The following ERMP1 variants were observed in gnomAD, a reference collection of about 807,000 sequenced individuals.
ERMP1 encodes the protein endoplasmic reticulum metallopeptidase 1, also known as Felix-ina.
A neutral mutation model predicts 92.0 loss-of-function variants in ERMP1; 86 were observed. The observed-to-expected ratio is 0.93, with a 90% CI of 0.79 to 1.12. The LOEUF (loss-of-function observed/expected upper bound fraction) is 1.12, where lower values mean the gene tolerates loss of function less well. Among genes scored for constraint, ERMP1 ranks in the 50% most tolerant of loss-of-function variants. The pLI is 0.00. For synonymous variants in ERMP1, 530 were observed against 412.8 expected, an observed-to-expected ratio of 1.28 and a Z score of -3.44; for missense variants, 1,342 against 1,116.3, an observed-to-expected ratio of 1.20 and a Z score of -2.88.
At chr9:5,791,419 A>C (rs1260135) in intron 13 of ERMP1, 1 of 419,252 alleles carries the variant, frequency 2.4e-6, no homozygotes, top group African/African-American at 2.1e-5. Context: ...ATGGAGGGCA[A>C]TCTGCTTTAC....
At chr9:5,829,212 C>G (rs1829844148) in intron 2 of ERMP1, among the ~76,000 whole-genome samples, 2 of 149,354 alleles carry the variant, frequency 1.3e-5, no homozygotes, top group Admixed American at 1.3e-4. Flanking sequence ...AGACTTGGCC[C>G]CCCAGCCAAA....
chr9:5,830,691 T>C, intron 2 of ERMP1, 36 bp downstream of exon 2: 1 of 1,542,642 alleles, frequency 6.5e-7, no homozygotes, highest in East Asian at 2.3e-5. Flanking sequence ...TTCTGGGCTG[T>C]GACAAGTTCC....
chr9:5,788,449 G>T (rs1302027085), intron 13 of ERMP1, among the ~76,000 whole-genome samples: 1 of 152,190 alleles, frequency 6.6e-6, no homozygotes, highest in African/African-American at 2.4e-5. Flanking sequence ...TTTGGCATTT[G>T]GGTGGTGAAG....
In ERMP1 at chr9:5,832,991, G is replaced by A. The variant is rs1240898321; in HGVS notation, c.37C>T (p.His13Tyr). 2 of 1,559,842 alleles carry A rather than the reference G, an allele frequency of 1.3e-6. No individual in the cohort carries two copies. Among genetic ancestry groups the A allele is most frequent in the South Asian group, 1.2e-5 (1 of 86,556 alleles). The change falls in exon 1 of 15, where the codon CAC (histidine) becomes TAC (tyrosine). Residue 13 changes from histidine (H) to tyrosine (Y), a missense_variant. Coordinates refer to ENST00000339450, the MANE Select transcript of ERMP1 (RefSeq NM_024896.3). ...WGSESAAVRR[H>Y]RVGVERREGA... is the part of the protein sequence containing the mutation. Reference sequence around the variant, plus strand: ...TCTCGACGCTCTACTCCGACGCGGTGCCGCCTCACAGCAGCCGACTCAGAA... The same window carrying A: ...TCTCGACGCTCTACTCCGACGCGGTACCGCCTCACAGCAGCCGACTCAGAA...
rs547565264 is a variant in ERMP1 at position 5,819,885 on chromosome 9, G to A, written c.874+4011C>T. Among the ~76,000 whole-genome samples the A allele has an allele frequency of 3.9e-5, 6 of 152,284 alleles. No individual in the cohort carries two copies. In the East Asian group the frequency reaches 1.2e-3, roughly 29 times the overall value. ...GGGATGGGGGAAAATGGGAGTGACT[G>A]CTAATGAGTTTCCTATTTGGGATGA... On this transcript the variant is annotated intron_variant, in intron 4 of 14. Coordinates refer to ENST00000339450, the MANE Select transcript of ERMP1 (RefSeq NM_024896.3).
chr9:5,805,505 A>AT, intron 9 of ERMP1, 106 bp downstream of exon 9: 1 of 995,338 alleles, frequency 1.0e-6, no homozygotes, highest in Non-Finnish European at 1.4e-6. Context: ...TTAAAAACTA[A>AT]CAATTTAGAA....
At chr9:5,861,199 G>GTGTGTGTGTGTGTGTA (rs1554630233) in intron 5 of ERMP1, among the ~76,000 whole-genome samples, 57 of 146,654 alleles carry the variant, frequency 3.9e-4, no homozygotes, top group African/African-American at 1.4e-3. Flanking sequence ...GTGTGTGTGT[G>GTGTGTGTGTGTGTGTA]TGTGTGTGTG....
At chr9:5,810,965 T>A in intron 7 of ERMP1, 146 bp downstream of exon 7, 1 of 562,416 alleles carries the variant, frequency 1.8e-6, no homozygotes, top group Non-Finnish European at 3.1e-6. Flanking sequence ...CATATTAATT[T>A]AATATTTAAA....
At chr9:5,850,010 A>G (rs1830287928) in intron 6 of ERMP1, among the ~76,000 whole-genome samples, 1 of 152,214 alleles carries the variant, frequency 6.6e-6, no homozygotes, top group Non-Finnish European at 1.5e-5. Flanking sequence ...TAGGCACCAC[A>G]GGTTATTTCT....
intron 5 of ERMP1, among the ~76,000 whole-genome samples, chr9:5,864,024 T>C (rs1219402549): frequency 2.0e-5 from 3 of 152,206 alleles, no homozygotes; most frequent in East Asian, 1.9e-4. Context: ...CCTTGTAAAA[T>C]ACATTTCTGT....
chr9:5,808,210 T>C (rs533672242), intron 8 of ERMP1, among the ~76,000 whole-genome samples: 10 of 152,352 alleles, frequency 6.6e-5, no homozygotes, highest in African/African-American at 2.4e-4. Context: ...ACTCTTTCTA[T>C]TGTGCTTTTA....
chr9:5,827,352 G>A lies in ERMP1; in HGVS notation c.641-2133C>T, dbSNP rs557129534. ...GACACTAACACTAACAATCACTGAT[G>A]AGCTAAAAAATAAAATAAAAATTGA... On this transcript the variant is annotated intron_variant, in intron 2 of 14. Coordinates refer to ENST00000339450, the MANE Select transcript of ERMP1 (RefSeq NM_024896.3). Among the ~76,000 whole-genome samples the A allele has an allele frequency of 2.0e-4, 31 of 152,088 alleles. 1 individual carries two copies. The South Asian group carries it at 6.2e-3, about 30-fold the overall frequency.
intron 14 of ERMP1, 49 bp from the exon 15 acceptor site, chr9:5,787,357 T>A: frequency 6.2e-7 from 1 of 1,603,576 alleles, no homozygotes; most frequent in Non-Finnish European, 8.5e-7. Flanking sequence ...GCCAGAATAC[T>A]GAACCCAAGG....
chr9:5,803,743 A>G (rs901802626), intron 10 of ERMP1, among the ~76,000 whole-genome samples: 5 of 152,208 alleles, frequency 3.3e-5, no homozygotes, highest in African/African-American at 7.2e-5. Flanking sequence ...TAAACTCAAA[A>G]GCAGCAAACC....
chr9:5,833,148 A>G (rs1049449890), upstream of ERMP1: 14 of 907,760 alleles, frequency 1.5e-5, no homozygotes, highest in African/African-American at 2.1e-4. Flanking sequence ...AGAGGGCCAA[A>G]CTTCTTCTGA....
At chr9:5,848,906 T>C (rs137939202) in intron 6 of ERMP1, among the ~76,000 whole-genome samples, 26 of 152,352 alleles carry the variant, frequency 1.7e-4, no homozygotes, top group African/African-American at 5.8e-4. Flanking sequence ...AGGAGGGACC[T>C]ATGTGGCTTA....
chr9:5,805,087 T>C lies in ERMP1; in HGVS notation c.1854A>G (p.Pro618=), dbSNP rs1828819617. 6.2e-7 allele frequency: 1 copy of C among 1,613,478 alleles called. No individual in the cohort carries two copies. The highest frequency in any genetic ancestry group is 1.1e-5 in the South Asian group (1 of 91,034). Residue 618 remains proline, a synonymous_variant, in exon 10 of 15, where the codon CCA becomes CCG. Transcript: ENST00000339450. ...AAATGGATGCCAGCACAACATCAGG[T>C]GGGATTTCAGAACCACTTCTCCCGA... ...PILGRSGSEI[P]PDVVLASILA...
At chr9:5,845,914 G>A (rs1464905408) in intron 6 of ERMP1, among the ~76,000 whole-genome samples, 2 of 152,228 alleles carry the variant, frequency 1.3e-5, no homozygotes, top group African/African-American at 4.8e-5. Flanking sequence ...CAGGCCCTCG[G>A]AGTGTTTGGG....
intron 10 of ERMP1, among the ~76,000 whole-genome samples, chr9:5,803,698 C>T (rs150388411): frequency 6.6e-6 from 1 of 152,220 alleles, no homozygotes; most frequent in East Asian, 1.9e-4. Context: ...CAACAGCAAA[C>T]CTATCAAAAA....
Sources: allele counts gnomAD v4.1 joint callset (sites outside exome capture counted in the v4.1 genomes callset), GRCh38; gene constraint gnomAD v4.1.1; transcripts MANE v1.5; gene names NCBI Gene and HGNC (gene_info 2026-07-23, HGNC 2026-07-21).